Variants in DCDC1 observed in about 807,000 individuals in gnomAD.
The protein encoded by DCDC1 is doublecortin domain-containing protein 1.
A neutral mutation model predicts 178.3 loss-of-function variants in DCDC1; 200 were observed. The ratio of observed to expected loss-of-function variants is 1.12; its 90% CI spans 1.00 to 1.26. DCDC1 has a LOEUF of 1.26. DCDC1 is among the 50% of genes most tolerant of loss of function. The pLI is 0.00. For missense variants in DCDC1, 1,983 were observed against 1,749.2 expected, an observed-to-expected ratio of 1.13 and a Z score of -2.38; for synonymous variants, 690 against 604.8, an observed-to-expected ratio of 1.14 and a Z score of -2.07.
intron 9 of DCDC1, among the ~76,000 whole-genome samples, chr11:31,151,404 C>A (rs974037062): frequency 6.6e-6 from 1 of 152,022 alleles, no homozygotes. Context: ...ACATTTGGAG[C>A]CTTTAATCTA....
intron 9 of DCDC1, among the ~76,000 whole-genome samples, chr11:31,209,500 C>G (rs1972251220): frequency 6.6e-6 from 1 of 152,122 alleles, no homozygotes; most frequent in Non-Finnish European, 1.5e-5. Flanking sequence ...TCATTATTGC[C>G]CTTTTCCACC....
chr11:31,243,163 T>G (rs540052782), intron 8 of DCDC1, among the ~76,000 whole-genome samples: 2 of 151,794 alleles, frequency 1.3e-5, no homozygotes, highest in Non-Finnish European at 3.0e-5. Flanking sequence ...CAATAAAAAT[T>G]AAAAGATAAA....
rs183528839 is a variant in DCDC1, at chr11:31,082,719, G to A, written c.2238-4794C>T. 3.9e-3 allele frequency among the ~76,000 whole-genome samples: 595 copies of A among 151,732 alleles called. 4 individuals are homozygous for A. The highest frequency in any genetic ancestry group is 6.5e-3 in the Non-Finnish European group (442 of 67,920). On this transcript the variant is annotated intron_variant, in intron 17 of 38. Transcript: ENST00000684477. ...TTTACACATATATATATATCTGTTTGTATGTGTTTATACACTCACACATTC... is the reference window on the plus strand; with the variant it reads ...TTTACACATATATATATATCTGTTTATATGTGTTTATACACTCACACATTC...
chr11:31,185,080 TA>T lies in DCDC1; in HGVS notation c.1222-47297del, dbSNP rs940744864. On this transcript the variant is annotated intron_variant, in intron 9 of 38. Coordinates refer to ENST00000684477, the MANE Select transcript of DCDC1 (RefSeq NM_001387274.1). The stretch of plus-strand genomic sequence containing the variant: ...TACACTATGGAATACTATGCAGCCA[TA>T]AAAAAGGGTGAGTTCATGTCCTTTG... Among the ~76,000 whole-genome samples, 164 of 152,062 alleles carry T rather than the reference TA, an allele frequency of 1.1e-3. 1 individual carries two copies. Among genetic ancestry groups the T allele is most frequent in the African/African-American group, 3.6e-3 (147 of 41,392 alleles).
chr11:31,207,659 T>C (rs1255595187), intron 9 of DCDC1, among the ~76,000 whole-genome samples: 3 of 152,174 alleles, frequency 2.0e-5, no homozygotes, highest in Non-Finnish European at 4.4e-5. Context: ...CATGCAAACA[T>C]GCCTTAATGT....
At chr11:30,945,746 ATCTGTCTG>A (rs10566619) in intron 21 of DCDC1, among the ~76,000 whole-genome samples, 45 of 106,986 alleles carry the variant, frequency 4.2e-4, no homozygotes, top group African/African-American at 1.9e-3. Flanking sequence ...CTATCTATCT[ATCTGTCTG>A]TCTGTCTATC....
chr11:31,302,712 G>A (rs929336807), intron 6 of DCDC1, among the ~76,000 whole-genome samples: 8 of 152,056 alleles, frequency 5.3e-5, no homozygotes, highest in Non-Finnish European at 1.0e-4. Flanking sequence ...ATAGCTCTCC[G>A]GCTTTCTATT....
chr11:30,960,696 T>C (rs1001377958), intron 20 of DCDC1, among the ~76,000 whole-genome samples: 1 of 152,122 alleles, frequency 6.6e-6, no homozygotes, highest in Non-Finnish European at 1.5e-5. Flanking sequence ...ACAGGGGTGT[T>C]CTTGAACAAT....
chr11:31,221,296 T>G (rs1565457851), intron 9 of DCDC1, among the ~76,000 whole-genome samples: 1 of 152,162 alleles, frequency 6.6e-6, no homozygotes, highest in Non-Finnish European at 1.5e-5. Flanking sequence ...TGTAAACTTG[T>G]GAAACTAGAC....
At chr11:30,998,145 A>G (rs1218090859) in intron 20 of DCDC1, among the ~76,000 whole-genome samples, 1 of 152,090 alleles carries the variant, frequency 6.6e-6, no homozygotes, top group Non-Finnish European at 1.5e-5. Flanking sequence ...AAATAAAAAA[A>G]TTAGTCCAGT....
At chr11:31,194,464 A>C (rs1448944425) in intron 9 of DCDC1, among the ~76,000 whole-genome samples, 1 of 152,132 alleles carries the variant, frequency 6.6e-6, no homozygotes, top group Non-Finnish European at 1.5e-5. Context: ...ATTATTCCAC[A>C]ACTTAGAGAA....
chr11:30,952,388 C>A, intron 21 of DCDC1, 57 bp downstream of exon 21: 1 of 1,415,158 alleles, frequency 7.1e-7, no homozygotes, highest in South Asian at 1.7e-5. Flanking sequence ...AATTTGACCA[C>A]ACAACTGGGC....
intron 1 of DCDC1, among the ~76,000 whole-genome samples, chr11:31,356,394 C>A (rs1372174387): frequency 6.6e-6 from 1 of 152,036 alleles, no homozygotes; most frequent in Non-Finnish European, 1.5e-5. Flanking sequence ...CCAACGAGAA[C>A]AAAGACACAA....
chr11:31,027,381 C>A (rs1232523750), intron 20 of DCDC1, among the ~76,000 whole-genome samples: 1 of 151,720 alleles, frequency 6.6e-6, no homozygotes, highest in Non-Finnish European at 1.5e-5. Context: ...ATACATATCC[C>A]CAAAGAACAC....
At chr11:31,212,955 A>G (rs1319571205) in intron 9 of DCDC1, among the ~76,000 whole-genome samples, 1 of 152,126 alleles carries the variant, frequency 6.6e-6, no homozygotes, top group African/African-American at 2.4e-5. Flanking sequence ...TACTACGTGA[A>G]GAAGAAATTC....
intron 1 of DCDC1, among the ~76,000 whole-genome samples, chr11:31,346,146 T>C (rs1950800141): frequency 6.6e-6 from 1 of 151,872 alleles, no homozygotes; most frequent in African/African-American, 2.4e-5. Flanking sequence ...CATAAGTATG[T>C]GAAATAGAGA....
At chr11:31,177,563 C>T (rs1441434458) in intron 9 of DCDC1, among the ~76,000 whole-genome samples, 2 of 152,094 alleles carry the variant, frequency 1.3e-5, no homozygotes, top group Non-Finnish European at 2.9e-5. Context: ...AATTCTCTGA[C>T]TAAAACATAT....
At chr11:31,315,810 C>T (rs1444178340) in intron 3 of DCDC1, among the ~76,000 whole-genome samples, 1 of 97,064 alleles carries the variant, frequency 1.0e-5, no homozygotes, top group Admixed American at 1.1e-4. Context: ...CTCCCCTCCC[C>T]CGACCCCACC....
At chr11:31,166,407 T>C (rs936328381) in intron 9 of DCDC1, among the ~76,000 whole-genome samples, 6 of 152,230 alleles carry the variant, frequency 3.9e-5, no homozygotes, top group African/African-American at 1.2e-4. Flanking sequence ...TAAGCATCCA[T>C]AGGACTTTAC....
Sources: allele counts gnomAD v4.1 joint callset (sites outside exome capture counted in the v4.1 genomes callset), GRCh38; gene constraint gnomAD v4.1.1; transcripts MANE v1.5; gene names NCBI Gene and HGNC (gene_info 2026-07-23, HGNC 2026-07-21).